MED12L: variants seen among roughly 807,000 people sequenced by gnomAD.
MED12L encodes the protein mediator complex subunit 12L.
A neutral mutation model predicts 281.3 loss-of-function variants in MED12L; 60 were observed. The observed-to-expected ratio is 0.21, with a 90% CI of 0.17 to 0.26. MED12L has a LOEUF of 0.26. MED12L is among the 10% of genes least tolerant of loss of function. The probability of loss-of-function intolerance (pLI) is 1.00; values close to 1 mark genes in which losing one functional copy is unlikely to be tolerated. For missense variants in MED12L, 2,146 were observed against 2,680.9 expected, an observed-to-expected ratio of 0.80 and a Z score of 4.41; for synonymous variants, 974 against 987.2, an observed-to-expected ratio of 0.99 and a Z score of 0.25.
chr3:151,307,358 T>A (rs1483388193), intron 16 of MED12L, among the ~76,000 whole-genome samples: 1 of 152,218 alleles, frequency 6.6e-6, no homozygotes, highest in East Asian at 1.9e-4. Flanking sequence ...TGCATGGAGT[T>A]AGTCTCCTAA....
At position 151,294,830 on chromosome 3, in the gene MED12L, C is replaced by T. The variant is rs1335544415; in HGVS notation, c.2251-55229C>T. 9 of 1,614,002 alleles carry T rather than the reference C, an allele frequency of 5.6e-6. No homozygotes were observed. Among genetic ancestry groups the T allele is most frequent in the South Asian group, 2.2e-5 (2 of 91,074 alleles). On this transcript the variant is annotated intron_variant, in intron 16 of 44. Coordinates refer to ENST00000687756, the MANE Select transcript of MED12L (RefSeq NM_001393769.1). ...AAATGGCTTGACCACCTTCAGATAGCGATCAATGCTTATCAGCCCAAGGAA... is the reference window on the plus strand; with the variant it reads ...AAATGGCTTGACCACCTTCAGATAGTGATCAATGCTTATCAGCCCAAGGAA...
At chr3:151,168,667 A>G (rs1375916290) in intron 11 of MED12L, among the ~76,000 whole-genome samples, 1 of 152,248 alleles carries the variant, frequency 6.6e-6, no homozygotes, top group Non-Finnish European at 1.5e-5. Flanking sequence ...CAAAAAGGAT[A>G]ACAAAATAGA....
chr3:151,287,234 G>A (rs1425470512), intron 16 of MED12L, among the ~76,000 whole-genome samples: 1 of 152,144 alleles, frequency 6.6e-6, no homozygotes, highest in Admixed American at 6.5e-5. Context: ...GTAAATCATG[G>A]CAGTTGGTTT....
intron 5 of MED12L, among the ~76,000 whole-genome samples, chr3:151,147,865 T>C (rs776679356): frequency 6.6e-6 from 1 of 152,250 alleles, no homozygotes; most frequent in African/African-American, 2.4e-5. Flanking sequence ...CTCTTAGATA[T>C]ACAGGCTAGT....
chr3:151,189,759 G>A (rs1388491326), intron 13 of MED12L, among the ~76,000 whole-genome samples: 1 of 152,138 alleles, frequency 6.6e-6, no homozygotes, highest in African/African-American at 2.4e-5. Flanking sequence ...GAGCTTTGCA[G>A]GTTCATCTTA....
chr3:151,377,662 T>C (rs181433911), intron 30 of MED12L, among the ~76,000 whole-genome samples: 308 of 152,324 alleles, frequency 2.0e-3, no homozygotes, highest in African/African-American at 7.1e-3. Context: ...GCTATTAGTA[T>C]GCTTACATAT....
chr3:151,299,378 TTCTTTTCTTTTCTTTTCTTTTCCCC>T (rs1745570883), intron 16 of MED12L, among the ~76,000 whole-genome samples: 1 of 138,318 alleles, frequency 7.2e-6, no homozygotes, highest in African/African-American at 2.7e-5. Context: ...TTCTTTTCTT[TTCTTTTCTTTTCTTTTCTTTTCCCC>T]TCCCCTCCCC....
At chr3:151,121,577 T>C (rs1175587451) in intron 3 of MED12L, among the ~76,000 whole-genome samples, 1 of 152,248 alleles carries the variant, frequency 6.6e-6, no homozygotes, top group African/African-American at 2.4e-5. Flanking sequence ...CACTTTCTGC[T>C]AACTTCATTG....
At chr3:151,323,452 A>G (rs1165543851) in intron 16 of MED12L, among the ~76,000 whole-genome samples, 2 of 152,106 alleles carry the variant, frequency 1.3e-5, no homozygotes, top group Non-Finnish European at 2.9e-5. Context: ...CTCTGTCCCA[A>G]ATGTATTCCC....
rs541579747 is a variant in MED12L at position 151,219,266 on chromosome 3, G to A, written c.2250+25600G>A. ...AGATAACCTCAGGGTTCTCTCTTTG[G>A]ACAGAATTTAATTGATACAAGGCTG... On this transcript the variant is annotated intron_variant, in intron 16 of 44. Coordinates refer to ENST00000687756, the MANE Select transcript of MED12L (RefSeq NM_001393769.1). 3.3e-5 allele frequency among the ~76,000 whole-genome samples: 5 copies of A among 152,250 alleles called. No individual in the cohort carries two copies. In the South Asian group the frequency reaches 1.0e-3, roughly 32 times the overall value.
At chr3:151,138,087 TGC>T (rs942980849) in intron 5 of MED12L, among the ~76,000 whole-genome samples, 2 of 152,186 alleles carry the variant, frequency 1.3e-5, no homozygotes, top group African/African-American at 4.8e-5. Flanking sequence ...TTTTTATTTT[TGC>T]AAAAAATATG....
At chr3:151,109,862 T>C (rs2148704061) in intron 2 of MED12L, among the ~76,000 whole-genome samples, 1 of 152,324 alleles carries the variant, frequency 6.6e-6, no homozygotes, top group Admixed American at 6.5e-5. Context: ...TTTTAAAAGG[T>C]TCAGTGCTGT....
At chr3:151,413,416 T>G (rs544142554) in intron 42 of MED12L, 121 bp downstream of exon 42, 1 of 1,225,210 alleles carries the variant, frequency 8.2e-7, no homozygotes, top group Admixed American at 2.5e-5. Context: ...TCCCTGTGGA[T>G]TTGATGCTAG....
At chr3:151,424,470 T>C (rs1718625608) in intron 43 of MED12L, among the ~76,000 whole-genome samples, 1 of 151,826 alleles carries the variant, frequency 6.6e-6, no homozygotes, top group African/African-American at 2.4e-5. Flanking sequence ...ATACAAAAAA[T>C]TAGCTGGGTG....
Position 151,383,863 on chromosome 3 carries a change from G to C in MED12L, c.4765G>C (p.Gly1589Arg). ...GCTACTCCTTCAGATCATTACTTCA[G>C]GAACTGTTGACATGCACACTAACAA... is the stretch of plus-strand genomic sequence containing the variant. ...ALLLLQIITS[G>R]TVDMHTNNEL... The change falls in exon 34 of 45, where the codon GGA becomes CGA. Residue 1589 changes from glycine (G) to arginine (R), a missense_variant. Gly to Arg is a moderately radical substitution (Grantham distance 125). This residue lies in a region of MED12L where 212 missense variants were observed against 340.8 expected (regional missense o/e 0.62). Transcript: ENST00000687756. 6.2e-7 allele frequency: 1 copy of C among 1,613,802 alleles called. No homozygotes were observed. The highest frequency in any genetic ancestry group is 8.5e-7 in the Non-Finnish European group (1 of 1,179,810).
chr3:151,146,139 C>A (rs1717725573), intron 5 of MED12L, among the ~76,000 whole-genome samples: 1 of 152,210 alleles, frequency 6.6e-6, no homozygotes, highest in Admixed American at 6.5e-5. Context: ...GACTCCAGAC[C>A]TCTGGAGTTG....
In MED12L at chr3:151,368,456, G is replaced by T. The variant is rs181404913; in HGVS notation, c.3550+205G>T. ...AATATCAGGATATATTGAGAAATAC[G>T]AATCAAGAGTTAGTAAGCAATAAAA... On this transcript the variant is annotated intron_variant, in intron 25 of 44. Coordinates refer to ENST00000687756, the MANE Select transcript of MED12L (RefSeq NM_001393769.1). 5.9e-5 allele frequency among the ~76,000 whole-genome samples: 9 copies of T among 152,162 alleles called. No homozygotes were observed. In the East Asian group the frequency reaches 1.7e-3, roughly 29 times the overall value.
intron 36 of MED12L, among the ~76,000 whole-genome samples, chr3:151,385,944 C>G (rs1425708032): frequency 6.6e-6 from 1 of 151,972 alleles, no homozygotes; most frequent in African/African-American, 2.4e-5. Context: ...AGACAGAGTT[C>G]CTACCCTCAA....
chr3:151,337,961 C>A, intron 16 of MED12L: 1 of 1,614,052 alleles, frequency 6.2e-7, no homozygotes, highest in Non-Finnish European at 8.5e-7. Context: ...AATAGATGAA[C>A]GGATCCAGGC....
Sources: allele counts gnomAD v4.1 joint callset (sites outside exome capture counted in the v4.1 genomes callset), GRCh38; gene constraint gnomAD v4.1.1; regional missense constraint gnomAD v4.1.1; transcripts MANE v1.5; gene names NCBI Gene and HGNC (gene_info 2026-07-23, HGNC 2026-07-21).